Variants in TOGARAM1 observed in about 807,000 individuals in gnomAD.
TOGARAM1 encodes TOG array regulator of axonemal microtubules protein 1.
A neutral mutation model predicts 166.6 loss-of-function variants in TOGARAM1; 100 were observed. The observed-to-expected ratio is 0.60, with a 90% CI of 0.51 to 0.71. The LOEUF is 0.71. Ranked by LOEUF, TOGARAM1 falls within the 30% of genes least tolerant of loss-of-function variation. The pLI is 0.00. For missense variants in TOGARAM1, 2,029 were observed against 2,102.7 expected (o/e 0.96, Z 0.69); for synonymous variants, 758 against 763.8 (o/e 0.99, Z 0.13).
At chr14:45,002,987 A>G (rs911522291) in intron 3 of TOGARAM1, among the ~76,000 whole-genome samples, 2 of 152,192 alleles carry the variant, frequency 1.3e-5, no homozygotes, top group Non-Finnish European at 2.9e-5. Context: ...TCAAAAAAAA[A>G]TAGAAAGGAA....
rs1200414644 is a variant in TOGARAM1, at chr14:45,045,583, A to ATG, written c.4154+747_4154+748dup. ...TATATATATATATATATATATATATATGTGTGTGTGTGTGTGTGTGTGTGT... is the reference window on the plus strand; with the variant it reads ...TATATATATATATATATATATATATATGTGTGTGTGTGTGTGTGTGTGTGTGT... On this transcript the variant is annotated intron_variant, in intron 13 of 19. Transcript: ENST00000361462. Among the ~76,000 whole-genome samples, 167 of 37,444 alleles carry ATG rather than the reference A, an allele frequency of 4.5e-3. 4 individuals carry two copies. The highest frequency in any genetic ancestry group is 5.8e-3 in the African/African-American group (45 of 7,734). The allele number at this position is 37,444 out of a possible 152,430, so 24.6% of individuals were successfully genotyped here.
intron 15 of TOGARAM1, 43 bp downstream of exon 15, chr14:45,052,605 AG>A (rs1376707433): frequency 6.5e-7 from 1 of 1,542,440 alleles, no homozygotes; most frequent in South Asian, 1.2e-5. Flanking sequence ...TTATAAGCAA[AG>A]CTTGTTTTTA....
intron 1 of TOGARAM1, among the ~76,000 whole-genome samples, chr14:44,989,723 C>T (rs868301353): frequency 6.6e-6 from 1 of 152,190 alleles, no homozygotes. Flanking sequence ...GTCACTTCCA[C>T]ATTTTCAAGT....
chr14:45,068,555 A>C lies in TOGARAM1; in HGVS notation c.4881A>C (p.Pro1627=). Residue 1627 remains proline (P), a synonymous_variant, in exon 18 of 20, where the codon CCA becomes CCC. Transcript: ENST00000361462. The stretch of plus-strand genomic sequence containing the variant: ...CTCCTATAATCAACATGCTAATTCC[A>C]GCAATAGTGGATAACAATCTGAATT... The part of the protein sequence containing the change: ...HLSPIINMLI[P]AIVDNNLNSK... 1 of 1,613,508 alleles carries C rather than the reference A, an allele frequency of 6.2e-7. No individual in the cohort carries two copies. Among genetic ancestry groups the C allele is most frequent in the Non-Finnish European group, 8.5e-7 (1 of 1,179,716 alleles).
In TOGARAM1 at chr14:44,962,965, C is replaced by T. The variant is rs758672224; in HGVS notation, c.544C>T (p.Pro182Ser). 9.9e-6 allele frequency: 16 copies of T among 1,614,064 alleles called. 1 individual carries two copies. Among genetic ancestry groups the T allele is most frequent in the Non-Finnish European group, 1.2e-5 (14 of 1,180,048 alleles). Residue 182 changes from proline to serine, a missense_variant, in exon 1 of 20, where the codon CCT (proline) becomes TCT (serine). By Grantham distance (74) the Pro-to-Ser change is moderately conservative (BLOSUM62 -1). Around this residue, in one of 2 missense-constraint regions of TOGARAM1, gnomAD observed 1,453 missense variants for 1,432.2 expected, o/e 1.01. Coordinates refer to ENST00000361462, the MANE Select transcript of TOGARAM1 (RefSeq NM_001308120.2). ...AGAGGCCTTTAGCTTAGCACTTTTG[C>T]CTCAACTAGTTGTCTCGTTACGGGA... The part of the protein sequence containing the change: ...LEEAFSLALL[P>S]QLVVSLREEN...
chr14:45,014,923 TTTA>T (rs1314070441), intron 7 of TOGARAM1, among the ~76,000 whole-genome samples: 3 of 152,230 alleles, frequency 2.0e-5, no homozygotes, highest in Non-Finnish European at 4.4e-5. Flanking sequence ...CTTAGTGCCC[TTTA>T]TTCTACAGTC....
intron 11 of TOGARAM1, among the ~76,000 whole-genome samples, chr14:45,033,297 T>C (rs1172845174): frequency 6.6e-6 from 1 of 151,782 alleles, no homozygotes; most frequent in Non-Finnish European, 1.5e-5. Flanking sequence ...TTTAATCCAC[T>C]GGCATTCTCT....
In TOGARAM1 at chr14:44,964,286, C is replaced by T. The variant is rs1885392913; in HGVS notation, c.1865C>T (p.Ala622Val). ...WLLAGNRTQS[A>V]HCHCGDHVRD... ...TTGGCTGGTAACAGAACTCAGAGTG[C>T]ACACTGTCACTGTGGTGACCACGTG... is the stretch of plus-strand genomic sequence containing the variant. The change falls in exon 1 of 20, where the codon GCA (alanine) becomes GTA (valine). Residue 622 changes from alanine (A) to valine (V), a missense_variant. By Grantham distance (64) the Ala-to-Val change is moderately conservative (BLOSUM62 0). Transcript: ENST00000361462. 1 of 1,614,138 alleles carries T rather than the reference C, an allele frequency of 6.2e-7. No individual in the cohort carries two copies. The highest frequency in any genetic ancestry group is 8.5e-7 in the Non-Finnish European group (1 of 1,180,026).
chr14:45,008,782 T>C, intron 5 of TOGARAM1, 131 bp from the exon 6 acceptor site: 1 of 616,208 alleles, frequency 1.6e-6, no homozygotes, highest in South Asian at 2.1e-5. Flanking sequence ...TATATTAGTA[T>C]TCATCTTGTT....
intron 1 of TOGARAM1, among the ~76,000 whole-genome samples, chr14:44,979,140 GT>G: frequency 6.6e-6 from 1 of 152,036 alleles, no homozygotes; most frequent in East Asian, 1.9e-4. Flanking sequence ...CATAAATTTT[GT>G]ATCCCTAATT....
At position 44,962,236 on chromosome 14, in the gene TOGARAM1, C is replaced by G. The variant is rs998165820; in HGVS notation, c.-186C>G. The G allele has an allele frequency of 3.2e-6, 2 of 624,592 alleles. No homozygotes were observed. Among genetic ancestry groups the G allele is most frequent in the Non-Finnish European group, 5.2e-6 (2 of 383,214 alleles). The allele number at this position is 624,592 out of a possible 1,614,324, so 38.7% of individuals were successfully genotyped here. A position where few individuals can be genotyped will look rare whatever the true frequency, so the allele number is the denominator to read the frequency against. On this transcript the variant is annotated 5_prime_UTR_variant, in exon 1 of 20. Transcript: ENST00000361462. ...CCGGTGGCAGCTGTGGGGTCTAGGG[C>G]TCAGACGGGGGCCATTTTGCCAGAG...
rs1883485357 is a variant in TOGARAM1, at chr14:45,073,703, C to T, written c.*142C>T. On this transcript the variant is annotated 3_prime_UTR_variant, in exon 20 of 20. Transcript: ENST00000361462. ...TATTTTTATTTGCAGCCTATGAGTA[C>T]ACATCTGTCCTATATCAACCTTACC... is the stretch of plus-strand genomic sequence containing the variant. 2 of 705,504 alleles carry T rather than the reference C, an allele frequency of 2.8e-6. No homozygotes were observed. Among genetic ancestry groups the T allele is most frequent in the East Asian group, 2.7e-5 (1 of 36,682 alleles). The allele number at this position is 705,504 out of a possible 1,614,324, so 43.7% of individuals were successfully genotyped here. A position where few individuals can be genotyped will look rare whatever the true frequency, so the allele number is the denominator to read the frequency against.
At position 45,073,407 on chromosome 14, in the gene TOGARAM1, C is replaced by G. The variant is rs551063926; in HGVS notation, c.5168C>G (p.Ala1723Gly). The change falls in exon 20 of 20, where the codon GCT (alanine) becomes GGT (glycine). Residue 1723 changes from alanine to glycine, a missense_variant. Around this residue, in one of 2 missense-constraint regions of TOGARAM1, gnomAD observed 576 missense variants for 670.5 expected, o/e 0.86. Coordinates refer to ENST00000361462, the MANE Select transcript of TOGARAM1 (RefSeq NM_001308120.2). ...ACAAATAGTGGCTCTCTGCCTGGAG[C>G]TGGAGGAAATATACGAACAGCCACA... ...NMTNSGSLPG[A>G]GGNIRTATAK... 6.2e-7 allele frequency: 1 copy of G among 1,614,080 alleles called. No individual in the cohort carries two copies. The highest frequency in any genetic ancestry group is 2.2e-5 in the East Asian group (1 of 44,878).
chr14:45,066,196 A>G (rs2139002245), intron 16 of TOGARAM1, among the ~76,000 whole-genome samples: 1 of 152,310 alleles, frequency 6.6e-6, no homozygotes, highest in Non-Finnish European at 1.5e-5. Flanking sequence ...ATATGTTGTC[A>G]TAACTCATTG....
In TOGARAM1 at chr14:44,963,125, C is replaced by T; in HGVS notation, c.704C>T (p.Ala235Val). The T allele has an allele frequency of 6.2e-7, 1 of 1,614,198 alleles. No homozygotes were observed. The highest frequency in any genetic ancestry group is 8.5e-7 in the Non-Finnish European group (1 of 1,180,038). The stretch of plus-strand genomic sequence containing the variant: ...GATGCCCGACTTAGAGCTTCCACAG[C>T]ACTACTGCTTCCCATCTTGCTTACT... ...STDARLRAST[A>V]LLLPILLTTE... Residue 235 changes from alanine (A) to valine (V), a missense_variant, in exon 1 of 20, where the codon GCA becomes GTA. Around this residue, in one of 2 missense-constraint regions of TOGARAM1, gnomAD observed 1,453 missense variants for 1,432.2 expected, o/e 1.01. Coordinates refer to ENST00000361462, the MANE Select transcript of TOGARAM1 (RefSeq NM_001308120.2).
intron 10 of TOGARAM1, among the ~76,000 whole-genome samples, chr14:45,029,797 G>A (rs938933920): frequency 1.4e-4 from 21 of 152,082 alleles, no homozygotes; most frequent in Admixed American, 1.3e-3. Flanking sequence ...GTATCAGTCT[G>A]CAACATAGTG....
intron 4 of TOGARAM1, among the ~76,000 whole-genome samples, chr14:45,005,130 G>C (rs1887890316): frequency 6.6e-6 from 1 of 150,792 alleles, no homozygotes. Flanking sequence ...GGTGAGGCTG[G>C]TCTCAAACTC....
At chr14:44,976,061 G>A (rs1886171736) in intron 1 of TOGARAM1, among the ~76,000 whole-genome samples, 1 of 151,892 alleles carries the variant, frequency 6.6e-6, no homozygotes, top group Non-Finnish European at 1.5e-5. Flanking sequence ...TTTCAGAATT[G>A]GTCTTTCTAA....
At chr14:45,045,613 G>A (rs368062693) in intron 13 of TOGARAM1, among the ~76,000 whole-genome samples, 8 of 74,440 alleles carry the variant, frequency 1.1e-4, no homozygotes, top group African/African-American at 3.4e-4. Context: ...GTGTGTGTGT[G>A]TGTGTATATA....
Sources: allele counts gnomAD v4.1 joint callset (sites outside exome capture counted in the v4.1 genomes callset), GRCh38; gene constraint gnomAD v4.1.1; regional missense constraint gnomAD v4.1.1; transcripts MANE v1.5; gene names NCBI Gene and HGNC (gene_info 2026-07-23, HGNC 2026-07-21).